Variants in DNAH1 observed in about 807,000 individuals in gnomAD.
The protein encoded by DNAH1 is dynein axonemal heavy chain 1.
DNAH1 carries 327 observed loss-of-function variants against 484.3 expected under a neutral mutation model. That is an observed-to-expected ratio of 0.68 (90% CI 0.62 to 0.74). The LOEUF is 0.74. Ranked by LOEUF, DNAH1 falls within the 30% of genes least tolerant of loss-of-function variation. DNAH1 has a pLI of 0.00. For missense variants in DNAH1, 5,052 were observed against 5,546.8 expected (o/e 0.91, Z 2.83); for synonymous variants, 2,192 against 2,191.9 (o/e 1.00, Z 0.00).
At chr3:52,352,213 G>T in intron 17 of DNAH1, 110 bp downstream of exon 17, 2 of 1,414,000 alleles carry the variant, frequency 1.4e-6, no homozygotes. Context: ...GAGTCAACAT[G>T]TGATGGGCGG....
In DNAH1 at chr3:52,323,863, A is replaced by G. The variant is rs961986537; in HGVS notation, c.389A>G (p.Asp130Gly). 10 of 1,578,394 alleles carry G rather than the reference A, an allele frequency of 6.3e-6. No individual in the cohort carries two copies. Among genetic ancestry groups the G allele is most frequent in the Non-Finnish European group, 6.9e-6 (8 of 1,162,020 alleles). ...AACCTCCTGCGGCAGGCTGACCTTG[A>G]CAAGTTCACCCCAAGAGGTCAGTGC... ...SQNLLRQADL[D>G]KFTPRVGSFE... is the part of the protein sequence containing the mutation. The change falls in exon 3 of 78, where the codon GAC (aspartate) becomes GGC (glycine). Residue 130 changes from aspartate to glycine, a missense_variant. Transcript: ENST00000420323.
intron 9 of DNAH1, 144 bp from the exon 10 acceptor site, chr3:52,345,351 A>G: frequency 1.4e-6 from 1 of 690,454 alleles, no homozygotes. Flanking sequence ...CAAACTATGG[A>G]AAGGCGGGGC....
chr3:52,354,323 A>C (rs895749075), intron 20 of DNAH1, among the ~76,000 whole-genome samples: 1 of 152,210 alleles, frequency 6.6e-6, no homozygotes, highest in African/African-American at 2.4e-5. Flanking sequence ...GCGTACAACC[A>C]CATGCAGCAC....
At chr3:52,374,852 T>A in intron 44 of DNAH1, 1 of 1,111,944 alleles carries the variant, frequency 9.0e-7, no homozygotes, top group Non-Finnish European at 1.4e-6. Flanking sequence ...AAGCATGGGT[T>A]AAAATAGAAA....
chr3:52,376,352 G>A (rs946508898), intron 46 of DNAH1, among the ~76,000 whole-genome samples: 1 of 152,242 alleles, frequency 6.6e-6, no homozygotes, highest in Non-Finnish European at 1.5e-5. Flanking sequence ...TTTGTGCGGG[G>A]CAGGCATCGT....
At chr3:52,360,541 G>GA in intron 28 of DNAH1, 117 bp downstream of exon 28, 1 of 819,482 alleles carries the variant, frequency 1.2e-6, no homozygotes, top group Middle Eastern at 3.5e-4. Flanking sequence ...GAGCAGTACA[G>GA]GGTTAGGACC....
rs762290033 is a variant in DNAH1, at chr3:52,364,499, G to A, written c.5245-139G>A. The A allele has an allele frequency of 1.3e-5, 12 of 926,858 alleles. No individual in the cohort carries two copies. The highest frequency in any genetic ancestry group is 1.7e-5 in the Non-Finnish European group (10 of 581,888). The allele number at this position is 926,858 out of a possible 1,614,324, so 57.4% of individuals were successfully genotyped here. ...ACCTGCCCAGGCTGGGCATGTAGGT[G>A]GTCCCAGCAGGTCTGCAAGGGAAGT... On this transcript the variant is annotated intron_variant, in intron 32 of 77. Coordinates refer to ENST00000420323, the MANE Select transcript of DNAH1 (RefSeq NM_015512.5). The surrounding 1 kb of genome is among the most constrained non-coding windows in gnomAD (Gnocchi z 4.2).
rs1267071070 is a variant in DNAH1, at chr3:52,326,808, A to G, written c.655A>G (p.Met219Val). The G allele has an allele frequency of 6.2e-7, 1 of 1,612,440 alleles. No homozygotes were observed. Among genetic ancestry groups the G allele is most frequent in the Non-Finnish European group, 8.5e-7 (1 of 1,178,700 alleles). Residue 219 changes from methionine (M) to valine (V), a missense_variant, in exon 5 of 78, where the codon ATG (methionine) becomes GTG (valine). By Grantham distance (21) the Met-to-Val change is conservative. Coordinates refer to ENST00000420323, the MANE Select transcript of DNAH1 (RefSeq NM_015512.5). The stretch of plus-strand genomic sequence containing the variant: ...CCAGGGCATCGACTCCAACAAGCTC[A>G]TGCCCAGGCACCTGGACCACCAGCA... ...FSQGIDSNKL[M>V]PRHLDHQHPQ...
intron 44 of DNAH1, chr3:52,374,806 A>T: frequency 9.4e-7 from 1 of 1,059,458 alleles, no homozygotes; most frequent in Non-Finnish European, 1.5e-6. Flanking sequence ...AAAGCAGAGA[A>T]ACTAAAAGAG....
chr3:52,372,276 A>G lies in DNAH1; in HGVS notation c.6716A>G (p.Asp2239Gly). 1 of 1,613,938 alleles carries G rather than the reference A, an allele frequency of 6.2e-7. No homozygotes were observed. ...ACGGGGAAGACGCTCACCATCTCTG[A>G]CAAGCTCCTCAAGAACCTGGCACTG... ...TGTGKTLTIS[D>G]KLLKNLALDY... Residue 2239 changes from aspartate (D) to glycine (G), a missense_variant, in exon 43 of 78, where the codon GAC becomes GGC. Around this residue, in one of 4 missense-constraint regions of DNAH1, gnomAD observed 2,929 missense variants for 3,409.4 expected, o/e 0.86. Coordinates refer to ENST00000420323, the MANE Select transcript of DNAH1 (RefSeq NM_015512.5).
At chr3:52,399,836 C>T (rs1704827110) in intron 77 of DNAH1, 57 bp downstream of exon 77, 3 of 1,539,780 alleles carry the variant, frequency 1.9e-6, no homozygotes, top group African/African-American at 1.4e-5. Flanking sequence ...ACTAACCCAG[C>T]CCAGCCCAAG....
Position 52,350,085 on chromosome 3 carries a change from C to T in DNAH1, c.2623C>T (p.Pro875Ser), listed in dbSNP as rs1461707911. 2 of 1,612,242 alleles carry T rather than the reference C, an allele frequency of 1.2e-6. No individual in the cohort carries two copies. The highest frequency in any genetic ancestry group is 1.7e-6 in the Non-Finnish European group (2 of 1,179,642). The change falls in exon 15 of 78, where the codon CCG becomes TCG. Residue 875 changes from proline (P) to serine (S), a missense_variant. Pro to Ser is a moderately conservative substitution (Grantham distance 74). Transcript: ENST00000420323. The stretch of plus-strand genomic sequence containing the variant: ...GCTGCGAGAGTGGATGAAGGGCATC[C>T]CGGAGAGGCTGGTGGGCCTGGAGGT... Reference protein sequence around the residue: ...AELREWMKGIPERLVGLEERI... With the variant: ...AELREWMKGISERLVGLEERI...
intron 50 of DNAH1, among the ~76,000 whole-genome samples, chr3:52,383,121 G>A (rs1219251135): frequency 6.6e-6 from 1 of 152,208 alleles, no homozygotes; most frequent in Admixed American, 6.5e-5. Flanking sequence ...GACATGGAGA[G>A]GGGCGAAGAG....
intron 46 of DNAH1, among the ~76,000 whole-genome samples, chr3:52,376,652 C>T (rs1244071704): frequency 6.6e-6 from 1 of 152,210 alleles, no homozygotes; most frequent in African/African-American, 2.4e-5. Flanking sequence ...CACAAACAAG[C>T]CCCATTCTCC....
At chr3:52,323,499 T>A (rs984545123) in intron 2 of DNAH1, among the ~76,000 whole-genome samples, 1 of 152,212 alleles carries the variant, frequency 6.6e-6, no homozygotes, top group Non-Finnish European at 1.5e-5. Flanking sequence ...CAGAGATACC[T>A]GCTGGCCTTG....
intron 16 of DNAH1, 81 bp downstream of exon 16, chr3:52,350,671 C>T (rs571911635): frequency 7.8e-7 from 1 of 1,287,896 alleles, no homozygotes; most frequent in African/African-American, 1.5e-5. Flanking sequence ...TCCCAAATGC[C>T]CCAGCTGCCA....
At chr3:52,383,692 G>A (rs1703965586) in intron 51 of DNAH1, 98 bp downstream of exon 51, 2 of 1,425,730 alleles carry the variant, frequency 1.4e-6, no homozygotes, top group South Asian at 1.4e-5. Flanking sequence ...TGGGGCCTGA[G>A]ATGAGGAGAC....
At position 52,350,044 on chromosome 3, in the gene DNAH1, T is replaced by C. The variant is rs753051439; in HGVS notation, c.2582T>C (p.Ile861Thr). The change falls in exon 15 of 78, where the codon ATT (isoleucine) becomes ACT (threonine). Residue 861 changes from isoleucine to threonine, a missense_variant. By Grantham distance (89) the Ile-to-Thr change is moderately conservative. Around this residue, in one of 4 missense-constraint regions of DNAH1, gnomAD observed 1,263 missense variants for 1,218.8 expected, o/e 1.04. Transcript: ENST00000420323. ...AAGATCTATGAGAAGCCCAACAGCATTGAGGAGCTGGCTGAGCTGCGAGAG... is the reference window on the plus strand; with the variant it reads ...AAGATCTATGAGAAGCCCAACAGCACTGAGGAGCTGGCTGAGCTGCGAGAG... ...SRKIYEKPNS[I>T]EELAELREWM... 5.0e-6 allele frequency: 8 copies of C among 1,613,088 alleles called. No individual in the cohort carries two copies. The Admixed American group carries it at 1.0e-4, about 20-fold the overall frequency.
At position 52,355,286 on chromosome 3, in the gene DNAH1, G is replaced by A. The variant is rs1036147297; in HGVS notation, c.3693+231G>A. On this transcript the variant is annotated intron_variant, in intron 21 of 77. Transcript: ENST00000420323. The surrounding 1 kb of genome is among the most constrained non-coding windows in gnomAD (Gnocchi z 4.5). ...TACTGGATGAGGCAGATAAGGGTGC[G>A]TAGGGGCAGCATTTGGGTCCCAAAA... 4.6e-5 allele frequency among the ~76,000 whole-genome samples: 7 copies of A among 152,236 alleles called. No homozygotes were observed. Among genetic ancestry groups the A allele is most frequent in the Non-Finnish European group, 7.3e-5 (5 of 68,034 alleles).
Sources: allele counts gnomAD v4.1 joint callset (sites outside exome capture counted in the v4.1 genomes callset), GRCh38; gene constraint gnomAD v4.1.1; regional missense constraint gnomAD v4.1.1; non-coding constraint Gnocchi (gnomAD v3.1); transcripts MANE v1.5; gene names NCBI Gene and HGNC (gene_info 2026-07-23, HGNC 2026-07-21).